The following ELF1 variants were observed in gnomAD, a reference collection of about 807,000 sequenced individuals.
ELF1 encodes ETS-related transcription factor Elf-1.
ELF1 carries 24 observed loss-of-function variants against 59.9 expected under a neutral mutation model. That is an observed-to-expected ratio of 0.40 (90% confidence interval 0.29 to 0.56). The LOEUF (loss-of-function observed/expected upper bound fraction) is 0.56. Among genes scored for constraint, ELF1 ranks in the 20% least tolerant of loss-of-function variants. The pLI is 0.44. For missense variants in ELF1, 627 were observed against 742.2 expected (o/e 0.84, Z 1.80); for synonymous variants, 248 against 266.2 (o/e 0.93, Z 0.67).
chr13:41,041,837 T>A (rs545896862), intron 1 of ELF1, among the ~76,000 whole-genome samples: 2 of 152,304 alleles, frequency 1.3e-5, no homozygotes, highest in South Asian at 4.1e-4. Context: ...ACTTTCCAGA[T>A]GATCAGAAGT....
chr13:40,966,767 A>T (rs2138220191), intron 2 of ELF1, among the ~76,000 whole-genome samples: 1 of 152,346 alleles, frequency 6.6e-6, no homozygotes, highest in Middle Eastern at 3.4e-3. Flanking sequence ...ATTGTGAAAC[A>T]TCCCATCAAA....
At chr13:40,976,654 G>A (rs746902328) in intron 2 of ELF1, among the ~76,000 whole-genome samples, 27 of 152,158 alleles carry the variant, frequency 1.8e-4, no homozygotes, top group Admixed American at 1.0e-3. Flanking sequence ...CAATTCTCTT[G>A]CCTCAGCCTC....
intron 2 of ELF1, among the ~76,000 whole-genome samples, chr13:40,976,759 C>G (rs967389656): frequency 6.6e-6 from 1 of 152,020 alleles, no homozygotes; most frequent in Non-Finnish European, 1.5e-5. Flanking sequence ...AGGCTGGTCT[C>G]GAACTCCTGC....
intron 2 of ELF1, among the ~76,000 whole-genome samples, chr13:40,962,402 G>T (rs1356203316): frequency 6.6e-6 from 1 of 152,112 alleles, no homozygotes; most frequent in African/African-American, 2.4e-5. Flanking sequence ...AAAGAGAGTG[G>T]CCAGGAGTGG....
intron 1 of ELF1, among the ~76,000 whole-genome samples, chr13:40,991,679 A>T (rs1334302556): frequency 6.6e-6 from 1 of 152,144 alleles, no homozygotes; most frequent in Non-Finnish European, 1.5e-5. Flanking sequence ...AATCTCTTAT[A>T]TCTTAGTCTT....
rs114569012 is a variant in ELF1 at position 41,013,414 on chromosome 13, C to T, written c.-229+5814G>A. Reference sequence around the variant, plus strand: ...CAAACAATGGAATACTATATTGCAACGAAAAGTAACATAAGTCACAAAGCT... The same window carrying T: ...CAAACAATGGAATACTATATTGCAATGAAAAGTAACATAAGTCACAAAGCT... On this transcript the variant is annotated intron_variant, in intron 1 of 8. Transcript: ENST00000239882. Among the ~76,000 whole-genome samples the T allele has an allele frequency of 1.9e-3, 283 of 151,906 alleles. 2 individuals are homozygous for T. The highest frequency in any genetic ancestry group is 6.5e-3 in the African/African-American group (269 of 41,396).
intron 3 of ELF1, 70 bp downstream of exon 3, chr13:40,958,766 C>CA (rs1871617624): frequency 1.4e-6 from 2 of 1,477,766 alleles, no homozygotes; most frequent in Non-Finnish European, 1.8e-6. Context: ...TATGCCCCCA[C>CA]ATCCTCAGGA....
intron 1 of ELF1, among the ~76,000 whole-genome samples, chr13:41,038,986 C>A (rs900868850): frequency 2.4e-5 from 3 of 123,698 alleles, no homozygotes; most frequent in Non-Finnish European, 4.7e-5. Flanking sequence ...GCACTCCAGT[C>A]TGGGTGACAG....
intron 1 of ELF1, among the ~76,000 whole-genome samples, chr13:41,047,866 G>GC (rs1876923735): frequency 6.6e-6 from 1 of 152,188 alleles, no homozygotes; most frequent in African/African-American, 2.4e-5. Flanking sequence ...GCTATGCCCT[G>GC]CCCCCAGAGG....
intron 1 of ELF1, among the ~76,000 whole-genome samples, chr13:41,004,671 ATAAT>A (rs1272588671): frequency 2.0e-5 from 3 of 152,204 alleles, no homozygotes; most frequent in Non-Finnish European, 4.4e-5. Context: ...ATAAAAGTTA[ATAAT>A]TAGATACTAA....
At chr13:40,946,011 T>C (rs1870485316) in intron 5 of ELF1, among the ~76,000 whole-genome samples, 1 of 152,154 alleles carries the variant, frequency 6.6e-6, no homozygotes, top group African/African-American at 2.4e-5. Flanking sequence ...GCCTGGCTAA[T>C]TTTTTTCCAT....
rs779134096 is a variant in ELF1 at position 41,060,911 on chromosome 13, T to TGCTGCC, written c.-308_-303dup. Reference sequence around the variant, plus strand: ...GCCGCCTCTGCGCTACTGAAGCTGCTGCTGCCGCCGCCGCCGCCGCCGCCG... The same window carrying TGCTGCC: ...GCCGCCTCTGCGCTACTGAAGCTGCTGCTGCCGCTGCCGCCGCCGCCGCCGCCGCCG... On this transcript the variant is annotated 5_prime_UTR_variant, in exon 1 of 2. Coordinates refer to the ELF1 transcript ENST00000405737. The TGCTGCC allele has an allele frequency of 4.5e-5, 12 of 264,452 alleles. 2 individuals carry two copies. The African/African-American group carries it at 5.6e-4, about 12-fold the overall frequency. The allele number at this position is 264,452 out of a possible 1,614,324, so 16.4% of individuals were successfully genotyped here.
chr13:41,059,801 C>T (rs1877430522), intron 1 of ELF1, among the ~76,000 whole-genome samples: 2 of 152,156 alleles, frequency 1.3e-5, no homozygotes, highest in African/African-American at 2.4e-5. Context: ...CGTCCCCTCC[C>T]CAGTCTCCAG....
At chr13:41,032,862 AAAAC>A (rs1169624000) in intron 1 of ELF1, among the ~76,000 whole-genome samples, 1 of 150,818 alleles carries the variant, frequency 6.6e-6, no homozygotes, top group African/African-American at 2.4e-5. Context: ...AAAAAAAAAA[AAAAC>A]AAACCAAAGA....
intron 3 of ELF1, among the ~76,000 whole-genome samples, chr13:40,955,737 C>A (rs1177997797): frequency 7.6e-6 from 1 of 130,904 alleles, no homozygotes; most frequent in Non-Finnish European, 1.7e-5. Flanking sequence ...GAGGTCAGCC[C>A]CCCGCCCGGC....
chr13:40,989,355 T>G (rs1004879478), intron 1 of ELF1, among the ~76,000 whole-genome samples: 25 of 152,294 alleles, frequency 1.6e-4, no homozygotes, highest in African/African-American at 5.3e-4. Flanking sequence ...AGTGTTCTCA[T>G]AATTGAAAAA....
chr13:41,056,665 T>A (rs557888221), intron 1 of ELF1, among the ~76,000 whole-genome samples: 1 of 152,310 alleles, frequency 6.6e-6, no homozygotes, highest in South Asian at 2.1e-4. Flanking sequence ...CGATCTCATA[T>A]GATATCCTTG....
intron 1 of ELF1, chr13:41,060,814 C>T (rs1566205042): frequency 4.5e-6 from 1 of 224,276 alleles, no homozygotes; most frequent in South Asian, 5.7e-5. Flanking sequence ...ATGGGAAGTG[C>T]TATGAGAAAC....
At chr13:41,059,929 T>C (rs948549615) in intron 1 of ELF1, among the ~76,000 whole-genome samples, 4 of 152,248 alleles carry the variant, frequency 2.6e-5, no homozygotes, top group African/African-American at 7.2e-5. Context: ...AAAGTCGATA[T>C]ACTTATTTAA....
Sources: gnomAD v4.1 joint callset for allele counts (sites outside exome capture counted in the v4.1 genomes callset) on GRCh38, gnomAD v4.1.1 for gene constraint, MANE v1.5 for transcripts, NCBI Gene and HGNC (gene_info 2026-07-23, HGNC 2026-07-21) for gene names.